STAP1: variants seen among roughly 807,000 people sequenced by gnomAD.
STAP1 encodes signal transducing adaptor family member 1.
Under a neutral mutation model 37.8 loss-of-function variants are expected in STAP1, and 30 were observed. That is an observed-to-expected ratio of 0.79 (90% CI 0.59 to 1.08). The LOEUF is 1.08. STAP1 is among the 50% of genes least tolerant of loss of function. The pLI is 0.00. For synonymous variants in STAP1, 130 were observed against 116.0 expected (o/e 1.12, Z -0.78); for missense variants, 357 against 349.4 (o/e 1.02, Z -0.17).
chr4:67,575,576 G>A, intron 3 of STAP1, 78 bp downstream of exon 3: 1 of 1,075,744 alleles, frequency 9.3e-7, no homozygotes, highest in Non-Finnish European at 1.4e-6. Flanking sequence ...CTGAAGTAAA[G>A]AGAAATTGTA....
intron 2 of STAP1, 140 bp downstream of exon 2, chr4:67,571,295 T>C (rs1578023626): frequency 1.7e-6 from 1 of 572,368 alleles, no homozygotes; most frequent in Non-Finnish European, 3.0e-6. Context: ...TTTAAATCTG[T>C]GGGGGCCGCC....
At chr4:67,604,970 G>C (rs1176901512) in intron 8 of STAP1, among the ~76,000 whole-genome samples, 1 of 152,148 alleles carries the variant, frequency 6.6e-6, no homozygotes, top group Non-Finnish European at 1.5e-5. Flanking sequence ...TTTTGTATCT[G>C]GTTCTGTGCA....
At position 67,581,305 on chromosome 4, in the gene STAP1, C is replaced by T. The variant is rs1461195033; in HGVS notation, c.364C>T (p.Leu122=). Residue 122 remains leucine (L), a splice_region_variant and synonymous_variant, in exon 5 of 9, where the codon CTG becomes TTG. Coordinates refer to ENST00000265404, the MANE Select transcript of STAP1 (RefSeq NM_012108.4). The stretch of plus-strand genomic sequence containing the variant: ...TGCCTACTCTTTTAATTGGTTTCAG[C>T]TGTCAGTTCCCCAAAACGTGTCACT... ...WRGFILTVTE[L]SVPQNVSLLP... 6.2e-7 allele frequency: 1 copy of T among 1,609,518 alleles called. No homozygotes were observed. The highest frequency in any genetic ancestry group is 1.7e-5 in the Admixed American group (1 of 59,000).
At chr4:67,561,878 C>G (rs901550850) in intron 1 of STAP1, among the ~76,000 whole-genome samples, 1 of 151,772 alleles carries the variant, frequency 6.6e-6, no homozygotes, top group Non-Finnish European at 1.5e-5. Flanking sequence ...TGGAGACCAA[C>G]CTGTTCAACA....
intron 7 of STAP1, among the ~76,000 whole-genome samples, chr4:67,592,710 GGTCTTACCCT>G (rs1728146124): frequency 6.6e-6 from 1 of 151,982 alleles, no homozygotes; most frequent in Non-Finnish European, 1.5e-5. Flanking sequence ...TAAGGGACAG[GGTCTTACCCT>G]GTCACCCAGG....
At chr4:67,606,257 T>C in intron 8 of STAP1, 39 bp from the exon 9 acceptor site, 1 of 1,554,190 alleles carries the variant, frequency 6.4e-7, no homozygotes, top group East Asian at 2.3e-5. Flanking sequence ...TTCTACAATA[T>C]TGGTTCGCTA....
chr4:67,569,604 C>A (rs1258402247), intron 1 of STAP1, among the ~76,000 whole-genome samples: 6 of 151,568 alleles, frequency 4.0e-5, no homozygotes, highest in Non-Finnish European at 8.8e-5. Flanking sequence ...TTTTAAAATT[C>A]TTTATTTTAT....
At chr4:67,592,193 C>A (rs1186953708) in intron 7 of STAP1, among the ~76,000 whole-genome samples, 1 of 151,970 alleles carries the variant, frequency 6.6e-6, no homozygotes, top group African/African-American at 2.4e-5. Context: ...TGTTCACAGG[C>A]ACAATCATAG....
intron 4 of STAP1, among the ~76,000 whole-genome samples, chr4:67,579,649 G>C (rs1207409773): frequency 6.6e-6 from 1 of 152,092 alleles, no homozygotes; most frequent in Admixed American, 6.6e-5. Context: ...GAGTAGGAAA[G>C]AGAAAGAGTG....
intron 1 of STAP1, among the ~76,000 whole-genome samples, chr4:67,570,626 C>T (rs754854557): frequency 1.2e-4 from 18 of 149,702 alleles, no homozygotes; most frequent in East Asian, 2.0e-4. Context: ...TGTACCACTA[C>T]GCTCCAGCCT....
At chr4:67,576,895 A>G (rs1190621072) in intron 3 of STAP1, among the ~76,000 whole-genome samples, 1 of 152,244 alleles carries the variant, frequency 6.6e-6, no homozygotes, top group African/African-American at 2.4e-5. Flanking sequence ...AAGCCAGTCC[A>G]TTTTAACTGC....
At chr4:67,604,707 T>C (rs1414177618) in intron 8 of STAP1, among the ~76,000 whole-genome samples, 1 of 152,246 alleles carries the variant, frequency 6.6e-6, no homozygotes, top group African/African-American at 2.4e-5. Context: ...CAAGTAATTC[T>C]GAATTGTGTC....
chr4:67,599,933 T>C (rs1577770987), intron 8 of STAP1, among the ~76,000 whole-genome samples: 1 of 152,186 alleles, frequency 6.6e-6, no homozygotes, highest in South Asian at 2.1e-4. Context: ...TGAGCCACCA[T>C]GCCTGGCTTA....
intron 4 of STAP1, 22 bp from the exon 5 acceptor site, chr4:67,581,283 C>T (rs768428924): frequency 6.2e-7 from 1 of 1,604,736 alleles, no homozygotes; most frequent in South Asian, 1.1e-5. Flanking sequence ...TCTTGCCTGC[C>T]TACTCTTTTA....
chr4:67,562,021 G>C lies in STAP1; in HGVS notation c.120+3092G>C, dbSNP rs144525329. Among the ~76,000 whole-genome samples the C allele has an allele frequency of 3.8e-5, 5 of 133,080 alleles. No homozygotes were observed. In the East Asian group the frequency reaches 1.2e-3, roughly 31 times the overall value. 87.3% of individuals were successfully genotyped at this position (133,080 alleles called of 152,430 possible). ...TGGGAGTCAGAGGTTGCAGTGATCC[G>C]AGATCGCGCCACTGCACTCCAGCCT... On this transcript the variant is annotated intron_variant, in intron 1 of 8. Coordinates refer to ENST00000265404, the MANE Select transcript of STAP1 (RefSeq NM_012108.4).
chr4:67,594,317 T>C (rs570002522), intron 8 of STAP1, among the ~76,000 whole-genome samples: 4 of 152,294 alleles, frequency 2.6e-5, no homozygotes, highest in African/African-American at 7.2e-5. Flanking sequence ...ATTATGAATA[T>C]TGTGATGCTA....
chr4:67,565,116 A>C (rs1202781902), intron 1 of STAP1, among the ~76,000 whole-genome samples: 1 of 152,214 alleles, frequency 6.6e-6, no homozygotes, highest in African/African-American at 2.4e-5. Context: ...TGGTCGGATA[A>C]GCAAAGAAAC....
chr4:67,565,125 A>G (rs944004636), intron 1 of STAP1, among the ~76,000 whole-genome samples: 2 of 152,188 alleles, frequency 1.3e-5, no homozygotes, highest in African/African-American at 4.8e-5. Context: ...AAGCAAAGAA[A>G]CAAAACAACT....
At chr4:67,601,593 C>A (rs1728343158) in intron 8 of STAP1, among the ~76,000 whole-genome samples, 1 of 152,126 alleles carries the variant, frequency 6.6e-6, no homozygotes, top group African/African-American at 2.4e-5. Flanking sequence ...TATGTCTCCT[C>A]CATGTTTGAA....
Sources: gnomAD v4.1 joint callset for allele counts (sites outside exome capture counted in the v4.1 genomes callset) on GRCh38, gnomAD v4.1.1 for gene constraint, MANE v1.5 for transcripts, NCBI Gene and HGNC (gene_info 2026-07-23, HGNC 2026-07-21) for gene names.